The following SKAP2 variants were observed in gnomAD, a reference collection of about 807,000 sequenced individuals.
The protein encoded by SKAP2 is src kinase associated phosphoprotein 2, also known as src kinase-associated phosphoprotein 2.
A neutral mutation model predicts 54.9 loss-of-function variants in SKAP2; 28 were observed. The ratio of observed to expected loss-of-function variants is 0.51; its 90% CI spans 0.38 to 0.70. The LOEUF (loss-of-function observed/expected upper bound fraction) is 0.70. SKAP2 is among the 30% of genes least tolerant of loss of function. The probability of loss-of-function intolerance (pLI) is 0.00; values close to 1 mark genes in which losing one functional copy is unlikely to be tolerated. For missense variants in SKAP2, 356 were observed against 424.1 expected, an observed-to-expected ratio of 0.84 and a Z score of 1.41; for synonymous variants, 137 against 134.3, an observed-to-expected ratio of 1.02 and a Z score of -0.14.
rs138540449 is a variant in SKAP2 at position 26,786,170 on chromosome 7, G to A, written c.308-46206C>T. On this transcript the variant is annotated intron_variant, in intron 4 of 12. Transcript: ENST00000345317. ...ATACAAACTATTTGGTAATCAAGAT[G>A]GGGGAAATTAGGACCCAGGGGAATT... Among the ~76,000 whole-genome samples, 173 of 152,244 alleles carry A rather than the reference G, an allele frequency of 1.1e-3. 3 individuals are homozygous for A. The East Asian group carries it at 0.03, about 26-fold the overall frequency.
At chr7:26,793,108 T>C (rs916418642) in intron 4 of SKAP2, among the ~76,000 whole-genome samples, 35 of 152,196 alleles carry the variant, frequency 2.3e-4, no homozygotes, top group Non-Finnish European at 4.4e-5. Context: ...TCTGAAGTGC[T>C]AAACTTCCTT....
intron 9 of SKAP2, among the ~76,000 whole-genome samples, chr7:26,705,567 G>T (rs1178541329): frequency 6.6e-6 from 1 of 152,158 alleles, no homozygotes; most frequent in Non-Finnish European, 1.5e-5. Flanking sequence ...AGTGATTAAA[G>T]AATTCAGGCG....
intron 9 of SKAP2, among the ~76,000 whole-genome samples, chr7:26,708,021 A>G (rs551098268): frequency 1.3e-5 from 2 of 152,312 alleles, no homozygotes; most frequent in East Asian, 3.9e-4. Context: ...AGAAAACCTG[A>G]TAAGCTCACA....
chr7:26,816,235 T>A (rs1240431796), intron 4 of SKAP2, among the ~76,000 whole-genome samples: 1 of 152,152 alleles, frequency 6.6e-6, no homozygotes, highest in Non-Finnish European at 1.5e-5. Context: ...AGATAAAAGA[T>A]AAGTGCATTG....
intron 10 of SKAP2, among the ~76,000 whole-genome samples, chr7:26,686,404 C>T (rs1786640872): frequency 6.6e-6 from 1 of 152,060 alleles, no homozygotes; most frequent in Admixed American, 6.6e-5. Context: ...GACTTCTCCA[C>T]ACTAGCATCT....
intron 4 of SKAP2, among the ~76,000 whole-genome samples, chr7:26,840,703 T>C (rs1348190588): frequency 2.0e-5 from 3 of 152,032 alleles, no homozygotes; most frequent in Non-Finnish European, 4.4e-5. Flanking sequence ...GATTTTTTTG[T>C]TTTCCAGAAA....
In SKAP2 at chr7:26,855,076, A is replaced by G. The variant is rs549605623; in HGVS notation, c.68-186T>C. Reference sequence around the variant, plus strand: ...AATACTAAGTTGAACAAATCTGATCACCACTTAGCTAATAAAATTTGTAAG... The same window carrying G: ...AATACTAAGTTGAACAAATCTGATCGCCACTTAGCTAATAAAATTTGTAAG... On this transcript the variant is annotated intron_variant, in intron 1 of 12. Transcript: ENST00000345317. The G allele has an allele frequency of 1.1e-4, 43 of 396,460 alleles. 1 individual carries two copies. The Middle Eastern group carries it at 2.1e-3, about 19-fold the overall frequency. 24.6% of individuals were successfully genotyped at this position (396,460 alleles called of 1,614,324 possible).
intron 11 of SKAP2, among the ~76,000 whole-genome samples, chr7:26,681,674 G>T (rs1423079299): frequency 6.6e-6 from 1 of 152,088 alleles, no homozygotes; most frequent in African/African-American, 2.4e-5. Context: ...ATTACTAAAA[G>T]AAAGCTGCAT....
the SKAP2 span, among the ~76,000 whole-genome samples, chr7:26,657,836 CTCTT>C: frequency 1.3e-5 from 2 of 149,358 alleles, no homozygotes; most frequent in African/African-American, 4.9e-5. Flanking sequence ...TCCTGATCTC[CTCTT>C]TCTTTCTCCT....
intron 10 of SKAP2, among the ~76,000 whole-genome samples, chr7:26,689,861 T>C (rs1186315551): frequency 1.3e-5 from 2 of 152,200 alleles, no homozygotes; most frequent in African/African-American, 2.4e-5. Context: ...AGTCTCTGAA[T>C]GGCAGAAGTC....
At chr7:26,740,151 TAAAAAAAAAA>T (rs60264987) in intron 4 of SKAP2, among the ~76,000 whole-genome samples, 187 bp from the exon 5 acceptor site, 3 of 129,846 alleles carry the variant, frequency 2.3e-5, no homozygotes, top group African/African-American at 2.8e-5. Context: ...GTCTCAAAAG[TAAAAAAAAAA>T]AAAAAAAAAA....
intron 4 of SKAP2, among the ~76,000 whole-genome samples, chr7:26,777,997 C>T (rs1411806107): frequency 6.6e-6 from 1 of 151,592 alleles, no homozygotes; most frequent in Admixed American, 6.6e-5. Flanking sequence ...AAATGCCAAT[C>T]CTATTAATTA....
intron 1 of SKAP2, among the ~76,000 whole-genome samples, chr7:26,863,282 T>C (rs1785305467): frequency 6.6e-6 from 1 of 152,190 alleles, no homozygotes; most frequent in South Asian, 2.1e-4. Context: ...TGTCATCAAA[T>C]GTCACATTTT....
chr7:26,844,441 G>A (rs1396909131), intron 3 of SKAP2, among the ~76,000 whole-genome samples: 1 of 151,972 alleles, frequency 6.6e-6, no homozygotes, highest in Admixed American at 6.6e-5. Flanking sequence ...CCAAAAAGTA[G>A]AAGCAGGGTA....
chr7:26,836,236 A>T (rs150758991), intron 4 of SKAP2, among the ~76,000 whole-genome samples: 1,660 of 152,336 alleles, frequency 0.011, 30 homozygotes, highest in African/African-American at 0.038. Flanking sequence ...AAACCATAAA[A>T]ACCCTAGAAG....
At chr7:26,657,820 A>G in the SKAP2 span, among the ~76,000 whole-genome samples, 3 of 146,996 alleles carry the variant, frequency 2.0e-5, no homozygotes, top group Non-Finnish European at 4.5e-5. Context: ...GTGCAAGGAG[A>G]GTTTTTCCTG....
intron 4 of SKAP2, among the ~76,000 whole-genome samples, chr7:26,759,212 A>G (rs1007729155): frequency 2.1e-4 from 32 of 152,322 alleles, no homozygotes; most frequent in African/African-American, 6.7e-4. Flanking sequence ...AACCTTAACC[A>G]TAACAGCTCT....
rs182003180 is a variant in SKAP2 at position 26,775,676 on chromosome 7, C to T, written c.308-35712G>A. ...CCCTCCTGTTGCCCTTTTATAACTA[C>T]AACCACCTCCCTCCCACGCCCCCTT... is the stretch of plus-strand genomic sequence containing the variant. On this transcript the variant is annotated intron_variant, in intron 4 of 12. Transcript: ENST00000345317. 4.9e-3 allele frequency among the ~76,000 whole-genome samples: 747 copies of T among 152,172 alleles called. 2 individuals are homozygous for T. The highest frequency in any genetic ancestry group is 7.6e-3 in the Non-Finnish European group (515 of 68,012).
intron 4 of SKAP2, among the ~76,000 whole-genome samples, chr7:26,819,743 C>T (rs939466409): frequency 6.6e-6 from 1 of 151,984 alleles, no homozygotes; most frequent in African/African-American, 2.4e-5. Flanking sequence ...TAGGTAATTG[C>T]TGCTACTTTT....
Sources: gnomAD v4.1 joint callset for allele counts (sites outside exome capture counted in the v4.1 genomes callset) on GRCh38, gnomAD v4.1.1 for gene constraint, MANE v1.5 for transcripts, NCBI Gene and HGNC (gene_info 2026-07-23, HGNC 2026-07-21) for gene names.